The following PLD5 variants were observed in gnomAD, a reference collection of about 807,000 sequenced individuals.
PLD5 encodes inactive phospholipase D5.
Under a neutral mutation model 61.1 loss-of-function variants are expected in PLD5, and 36 were observed. That is an observed-to-expected ratio of 0.59 (90% confidence interval 0.45 to 0.78). The LOEUF (loss-of-function observed/expected upper bound fraction) is 0.78. PLD5 is among the 30% of genes least tolerant of loss of function. PLD5 has a pLI of 0.00. For synonymous variants in PLD5, 243 were observed against 242.8 expected, an observed-to-expected ratio of 1.00 and a Z score of -0.01; for missense variants, 515 against 644.4, an observed-to-expected ratio of 0.80 and a Z score of 2.17.
At chr1:242,205,780 G>T (rs2148966518) in intron 5 of PLD5, among the ~76,000 whole-genome samples, 1 of 152,270 alleles carries the variant, frequency 6.6e-6, no homozygotes, top group South Asian at 2.1e-4. Context: ...CACTGAGCAG[G>T]GATGGCAGAT....
chr1:242,400,344 G>A (rs551583521), intron 1 of PLD5, among the ~76,000 whole-genome samples: 1 of 144,780 alleles, frequency 6.9e-6, no homozygotes, highest in East Asian at 2.2e-4. Flanking sequence ...GGATTATGTG[G>A]TTTGTTTAAT....
At chr1:242,227,912 A>AT (rs1671057272) in intron 4 of PLD5, among the ~76,000 whole-genome samples, 1 of 152,250 alleles carries the variant, frequency 6.6e-6, no homozygotes, top group Non-Finnish European at 1.5e-5. Flanking sequence ...TTAATGCATC[A>AT]TCCCAGGATA....
At chr1:242,134,933 C>T (rs186820078) in intron 5 of PLD5, among the ~76,000 whole-genome samples, 1 of 152,324 alleles carries the variant, frequency 6.6e-6, no homozygotes, top group East Asian at 1.9e-4. Context: ...GGCTAGCCTG[C>T]AACCCTGAGT....
chr1:242,363,565 C>A (rs1201215403), intron 1 of PLD5, among the ~76,000 whole-genome samples: 1 of 150,060 alleles, frequency 6.7e-6, no homozygotes, highest in Non-Finnish European at 1.5e-5. Context: ...ATATCCAGCA[C>A]AGAATAAAAT....
At position 242,524,410 on chromosome 1, in the gene PLD5, G is replaced by A. The variant is rs1236326407; in HGVS notation, c.-134C>T. On this transcript the variant is annotated 5_prime_UTR_variant, in exon 1 of 10. Coordinates refer to ENST00000536534, the MANE Select transcript of PLD5 (RefSeq NM_001372062.1). ...GGAGACTGAGCTGGAGGAGCTGGAG[G>A]AGCGAGCGGGCGCGGGGAGCGCGGG... The A allele has an allele frequency of 1.1e-6, 1 of 891,726 alleles. No individual in the cohort carries two copies. Among genetic ancestry groups the A allele is most frequent in the African/African-American group, 1.8e-5 (1 of 56,714 alleles). The allele number at this position is 891,726 out of a possible 1,614,324, so 55.2% of individuals were successfully genotyped here.
chr1:242,303,228 G>A (rs902369574), intron 2 of PLD5, among the ~76,000 whole-genome samples: 4 of 152,076 alleles, frequency 2.6e-5, no homozygotes, highest in African/African-American at 9.7e-5. Context: ...TGACTCACAC[G>A]CCCAATGCTG....
chr1:242,399,749 T>C (rs2149276906), intron 1 of PLD5, among the ~76,000 whole-genome samples: 1 of 152,062 alleles, frequency 6.6e-6, no homozygotes, highest in South Asian at 2.1e-4. Flanking sequence ...AGGAGGTGAG[T>C]GACGGCCAGC....
intron 1 of PLD5, among the ~76,000 whole-genome samples, chr1:242,442,675 A>T (rs1043052294): frequency 6.6e-6 from 1 of 152,202 alleles, no homozygotes; most frequent in African/African-American, 2.4e-5. Flanking sequence ...ATGTTATCTT[A>T]AAGTTTTTTA....
chr1:242,266,837 C>T (rs773538433), intron 3 of PLD5, among the ~76,000 whole-genome samples: 3 of 152,128 alleles, frequency 2.0e-5, no homozygotes, highest in African/African-American at 4.8e-5. Context: ...GAGAAGCTGG[C>T]CGGGTGCGTA....
intron 1 of PLD5, among the ~76,000 whole-genome samples, chr1:242,459,834 GC>G (rs1416495611): frequency 1.3e-5 from 2 of 152,126 alleles, no homozygotes; most frequent in African/African-American, 4.8e-5. Flanking sequence ...CTTGTGGAAA[GC>G]CTATAAAGGG....
At chr1:242,325,743 G>A (rs1476719316) in intron 2 of PLD5, among the ~76,000 whole-genome samples, 1 of 151,086 alleles carries the variant, frequency 6.6e-6, no homozygotes, top group Non-Finnish European at 1.5e-5. Flanking sequence ...GGAGTAATGA[G>A]AATAGGCAGA....
intron 1 of PLD5, among the ~76,000 whole-genome samples, chr1:242,484,786 T>C (rs1238703510): frequency 1.3e-5 from 2 of 152,296 alleles, no homozygotes; most frequent in East Asian, 1.9e-4. Flanking sequence ...ATATCCCTGA[T>C]GAACATCGAT....
upstream of PLD5, among the ~76,000 whole-genome samples, chr1:242,527,633 C>T (rs12067469): frequency 0.18 from 27,055 of 152,110 alleles, 2,488 homozygotes; most frequent in African/African-American, 0.23. Flanking sequence ...TAAACCTGGG[C>T]GCAGACTTAT....
At chr1:242,527,200 G>C (rs1191546357), upstream of PLD5, among the ~76,000 whole-genome samples, 1 of 129,050 alleles carries the variant, frequency 7.7e-6, no homozygotes, top group African/African-American at 3.0e-5. Flanking sequence ...GTTCCATCTC[G>C]GCTCACTGCA....
At chr1:242,489,647 A>G (rs1441663518) in intron 1 of PLD5, among the ~76,000 whole-genome samples, 2 of 152,240 alleles carry the variant, frequency 1.3e-5, no homozygotes, top group Non-Finnish European at 2.9e-5. Context: ...AAAATGTTAC[A>G]TTAAAAAACA....
the PLD5 span, among the ~76,000 whole-genome samples, chr1:242,530,186 G>A: frequency 6.6e-6 from 1 of 152,136 alleles, no homozygotes; most frequent in Non-Finnish European, 1.5e-5. Context: ...GAGCCACCAT[G>A]CCTGGCCGGC....
At chr1:242,169,792 C>T (rs996011040) in intron 5 of PLD5, among the ~76,000 whole-genome samples, 1 of 152,190 alleles carries the variant, frequency 6.6e-6, no homozygotes, top group African/African-American at 2.4e-5. Flanking sequence ...TGGTATTACC[C>T]TCACGGTGTA....
At chr1:242,296,868 C>T (rs899449449) in intron 2 of PLD5, among the ~76,000 whole-genome samples, 8 of 152,240 alleles carry the variant, frequency 5.3e-5, no homozygotes, top group Admixed American at 2.0e-4. Context: ...TACAGGTGTA[C>T]GCCACTAGGC....
At chr1:242,364,309 C>G (rs909402392) in intron 1 of PLD5, among the ~76,000 whole-genome samples, 2 of 152,208 alleles carry the variant, frequency 1.3e-5, no homozygotes, top group Non-Finnish European at 2.9e-5. Flanking sequence ...TCACTGAACT[C>G]ACATTTATGG....
Sources: allele counts gnomAD v4.1 joint callset (sites outside exome capture counted in the v4.1 genomes callset), GRCh38; gene constraint gnomAD v4.1.1; transcripts MANE v1.5; gene names NCBI Gene and HGNC (gene_info 2026-07-23, HGNC 2026-07-21).